DENND2B: variants seen among roughly 807,000 people sequenced by gnomAD.
DENND2B encodes the protein DENN domain containing 2B, also known as DENN domain-containing protein 2B.
Under a neutral mutation model 116.0 loss-of-function variants are expected in DENND2B, and 32 were observed. That is an observed-to-expected ratio of 0.28 (90% CI 0.21 to 0.37). The LOEUF (loss-of-function observed/expected upper bound fraction) is 0.37. Among genes scored for constraint, DENND2B ranks in the 10% least tolerant of loss-of-function variants. DENND2B has a pLI of 1.00. For missense variants in DENND2B, 1,276 were observed against 1,477.7 expected (o/e 0.86, Z 2.24); for synonymous variants, 588 against 583.9 (o/e 1.01, Z -0.10).
At chr11:8,835,946 C>T (rs1043593609) in intron 4 of DENND2B, among the ~76,000 whole-genome samples, 1 of 149,882 alleles carries the variant, frequency 6.7e-6, no homozygotes, top group African/African-American at 2.4e-5. Flanking sequence ...AATAAACTAC[C>T]CCAGAGTTCT....
At chr11:8,794,285 C>A (rs1279586877) in intron 1 of DENND2B, among the ~76,000 whole-genome samples, 1 of 152,192 alleles carries the variant, frequency 6.6e-6, no homozygotes, top group Non-Finnish European at 1.5e-5. Flanking sequence ...ACTCTGCCAC[C>A]CTGAGCACTC....
intron 2 of DENND2B, chr11:8,870,770 C>G (rs900145199): frequency 1.3e-5 from 2 of 152,064 alleles, no homozygotes; most frequent in African/African-American, 2.4e-5. Context: ...ACTGACCGCC[C>G]GGGAGGGCGG....
At position 8,715,631 on chromosome 11, in the gene DENND2B, G is replaced by C; in HGVS notation, c.1817C>G (p.Ser606Cys). 1 of 1,613,454 alleles carries C rather than the reference G, an allele frequency of 6.2e-7. No homozygotes were observed. The highest frequency in any genetic ancestry group is 8.5e-7 in the Non-Finnish European group (1 of 1,179,598). The stretch of plus-strand genomic sequence containing the variant: ...GGGAATGCGGCGGGCCCGGCGGCTG[G>C]ACAGCAGCTCGCTGGTGGTGCTGAG... ...DSLSTTSELL[S>C]SRRARRIPKL... The change falls in exon 6 of 20, where the codon TCC becomes TGC. Residue 606 changes from serine (S) to cysteine (C), a missense_variant. This residue lies in a region of DENND2B where 856 missense variants were observed against 846.6 expected (regional missense o/e 1.01). Transcript: ENST00000313726.
intron 2 of DENND2B, among the ~76,000 whole-genome samples, chr11:8,863,776 T>C (rs1311607759): frequency 6.6e-6 from 1 of 152,202 alleles, no homozygotes; most frequent in Non-Finnish European, 1.5e-5. Context: ...TCTCCAGGTA[T>C]CTATGTACAG....
intron 13 of DENND2B, among the ~76,000 whole-genome samples, chr11:8,705,936 C>G (rs2042520784): frequency 6.6e-6 from 1 of 152,236 alleles, no homozygotes; most frequent in South Asian, 2.1e-4. Flanking sequence ...ACATGGCAGC[C>G]ACAGTGGGCT....
intron 1 of DENND2B, among the ~76,000 whole-genome samples, chr11:8,753,770 A>AT (rs2053022827): frequency 6.6e-6 from 1 of 152,194 alleles, no homozygotes; most frequent in South Asian, 2.1e-4. Context: ...TGGTCAACAG[A>AT]TTTTCAATAA....
intron 3 of DENND2B, among the ~76,000 whole-genome samples, chr11:8,852,729 A>G (rs529711597): frequency 6.6e-6 from 1 of 152,366 alleles, no homozygotes; most frequent in Admixed American, 6.5e-5. Flanking sequence ...TTAGCAAAGA[A>G]GTATCACAAT....
In DENND2B at chr11:8,861,800, G is replaced by C. The variant is rs190996148; in HGVS notation, c.-249-4364C>G. On this transcript the variant is annotated intron_variant, in intron 2 of 6. Transcript: ENST00000524757. ...AACCTAAGTGCCCATCAACCAATGA[G>C]TGATTAAAAAATGTGGTATGTATAC... Among the ~76,000 whole-genome samples, 20 of 151,988 alleles carry C rather than the reference G, an allele frequency of 1.3e-4. No individual in the cohort carries two copies. In the East Asian group the frequency reaches 3.9e-3, roughly 29 times the overall value.
chr11:8,697,459 T>A, intron 17 of DENND2B, 66 bp downstream of exon 17: 1 of 1,305,564 alleles, frequency 7.7e-7, no homozygotes. Context: ...TCTGGCCCTA[T>A]GGGGCCCTGA....
rs192456233 is a variant in DENND2B, at chr11:8,776,978, C to A, written c.-25-26253G>T. 8.5e-5 allele frequency among the ~76,000 whole-genome samples: 13 copies of A among 152,268 alleles called. No homozygotes were observed. In the East Asian group the frequency reaches 2.5e-3, roughly 29 times the overall value. The stretch of plus-strand genomic sequence containing the variant: ...GAAAAAGGGTAATCTGCAATTCTGA[C>A]CATAGGAGTAACTCCACCCTTCCCT... On this transcript the variant is annotated intron_variant, in intron 1 of 19. Transcript: ENST00000313726.
At chr11:8,734,188 C>T (rs2048579689) in intron 2 of DENND2B, among the ~76,000 whole-genome samples, 1 of 152,198 alleles carries the variant, frequency 6.6e-6, no homozygotes, top group African/African-American at 2.4e-5. Context: ...TCTGATTCTA[C>T]CTCTTATTAG....
chr11:8,712,315 T>C lies in DENND2B; in HGVS notation c.2172+236A>G, dbSNP rs563579281. Among the ~76,000 whole-genome samples, 56 of 152,330 alleles carry C rather than the reference T, an allele frequency of 3.7e-4. No individual in the cohort carries two copies. The highest frequency in any genetic ancestry group is 1.3e-3 in the African/African-American group (55 of 41,580). On this transcript the variant is annotated intron_variant, in intron 9 of 19. Transcript: ENST00000313726. The surrounding 1 kb of genome is among the most constrained non-coding windows in gnomAD (Gnocchi z 4.4). ...GGTATTCAATTGTTCTGGATTTTAT[T>C]ATAAGCACATTGAGAGGTTCTTTCT...
Position 8,693,677 on chromosome 11 carries a change from C to A in DENND2B, c.*419G>T. On this transcript the variant is annotated 3_prime_UTR_variant, in exon 20 of 20. Transcript: ENST00000313726. ...GGTCCTCCTGTACATAACAAGACAG[C>A]ATCTGCTCTCCAGGGCCCGGGACTG... 5.5e-6 allele frequency: 1 copy of A among 183,302 alleles called. No individual in the cohort carries two copies. The highest frequency in any genetic ancestry group is 1.1e-5 in the Non-Finnish European group (1 of 88,506). The allele number at this position is 183,302 out of a possible 1,614,324, so 11.4% of individuals were successfully genotyped here.
At chr11:8,704,327 AAGAAG>A (rs1258976950) in intron 13 of DENND2B, among the ~76,000 whole-genome samples, 4 of 152,178 alleles carry the variant, frequency 2.6e-5, no homozygotes, top group South Asian at 2.1e-4. Context: ...CCAAAGAGAA[AAGAAG>A]AGAAGTGTCT....
rs548259315 is a variant in DENND2B at position 8,697,424 on chromosome 11, A to G, written c.3052+101T>C. On this transcript the variant is annotated intron_variant, in intron 17 of 19. Transcript: ENST00000313726. The stretch of plus-strand genomic sequence containing the variant: ...AGACCAAGGTCCTCATCAGCCAGAA[A>G]GGGTTTGGTGTGCAGAGGCAGAGTT... 9.1e-5 allele frequency: 76 copies of G among 834,564 alleles called. No homozygotes were observed. The African/African-American group carries it at 1.2e-3, about 13-fold the overall frequency. The allele number at this position is 834,564 out of a possible 1,614,324, so 51.7% of individuals were successfully genotyped here.
At chr11:8,834,523 T>C (rs2062342731) in intron 4 of DENND2B, among the ~76,000 whole-genome samples, 1 of 152,226 alleles carries the variant, frequency 6.6e-6, no homozygotes, top group South Asian at 2.1e-4. Flanking sequence ...CTCAAGTTTT[T>C]CCCAGTGTGA....
intron 1 of DENND2B, among the ~76,000 whole-genome samples, chr11:8,780,743 G>A (rs1284662223): frequency 2.0e-5 from 3 of 152,198 alleles, no homozygotes; most frequent in African/African-American, 7.2e-5. Flanking sequence ...TCTGAAAGAT[G>A]AAGCAATACT....
intron 3 of DENND2B, among the ~76,000 whole-genome samples, chr11:8,848,976 G>A (rs1479648311): frequency 6.6e-6 from 1 of 151,732 alleles, no homozygotes; most frequent in Admixed American, 6.6e-5. Flanking sequence ...TAAATCACAG[G>A]TACTGCCATT....
At chr11:8,746,915 T>G (rs541596567) in intron 2 of DENND2B, among the ~76,000 whole-genome samples, 8 of 152,332 alleles carry the variant, frequency 5.3e-5, no homozygotes, top group African/African-American at 1.7e-4. Context: ...GAGTACCTCC[T>G]CTTTTCTGTG....
Sources: gnomAD v4.1 joint callset for allele counts (sites outside exome capture counted in the v4.1 genomes callset) on GRCh38, gnomAD v4.1.1 for gene constraint, gnomAD v4.1.1 regional missense constraint, Gnocchi (gnomAD v3.1) non-coding constraint, MANE v1.5 for transcripts, NCBI Gene and HGNC (gene_info 2026-07-23, HGNC 2026-07-21) for gene names.